The following MARCHF1 variants were observed in gnomAD, a reference collection of about 807,000 sequenced individuals.
MARCHF1 encodes the protein membrane associated ring-CH-type finger 1, also known as E3 ubiquitin-protein ligase MARCHF1.
MARCHF1 carries 40 observed loss-of-function variants against 54.2 expected under a neutral mutation model. That is an observed-to-expected ratio of 0.74 (90% CI 0.57 to 0.96). MARCHF1 has a LOEUF of 0.96. Among genes scored for constraint, MARCHF1 ranks in the 40% least tolerant of loss-of-function variants. The pLI is 0.00. For synonymous variants in MARCHF1, 236 were observed against 236.3 expected, an observed-to-expected ratio of 1.00 and a Z score of 0.01; for missense variants, 586 against 656.5, an observed-to-expected ratio of 0.89 and a Z score of 1.17.
At chr4:163,710,450 T>C (rs1745073477) in intron 4 of MARCHF1, among the ~76,000 whole-genome samples, 1 of 152,174 alleles carries the variant, frequency 6.6e-6, no homozygotes, top group South Asian at 2.1e-4. Flanking sequence ...CAAACAATTG[T>C]ATTGGCTAGG....
chr4:163,874,094 A>G (rs1228515479), intron 3 of MARCHF1, among the ~76,000 whole-genome samples: 2 of 152,272 alleles, frequency 1.3e-5, no homozygotes, highest in African/African-American at 2.4e-5. Context: ...AGGCTGAATT[A>G]TCATAGAGGT....
intron 5 of MARCHF1, among the ~76,000 whole-genome samples, chr4:163,624,476 C>T (rs550744993): frequency 1.7e-3 from 255 of 152,300 alleles, no homozygotes; most frequent in African/African-American, 5.9e-3. Context: ...TGCCTTTTCT[C>T]TCTCACTCCT....
intron 5 of MARCHF1, among the ~76,000 whole-genome samples, chr4:163,685,595 C>T (rs576936632): frequency 3.9e-5 from 6 of 152,228 alleles, no homozygotes; most frequent in Admixed American, 3.3e-4. Flanking sequence ...GCTGGGATTA[C>T]AGGCATGCGC....
In MARCHF1 at chr4:164,198,356, T is replaced by G. The variant is rs114127114; in HGVS notation, c.-322-86694A>C. Reference sequence around the variant, plus strand: ...TCTAACTAGGTTTAGATACGGCAAGTGGTAGAGGAATAAAATTTGAGTGGC... The same window carrying G: ...TCTAACTAGGTTTAGATACGGCAAGGGGTAGAGGAATAAAATTTGAGTGGC... On this transcript the variant is annotated intron_variant, in intron 1 of 9. Coordinates refer to ENST00000514618, the MANE Select transcript of MARCHF1 (RefSeq NM_001394959.1). 6.1e-3 allele frequency among the ~76,000 whole-genome samples: 925 copies of G among 152,246 alleles called. 5 individuals are homozygous for G. The highest frequency in any genetic ancestry group is 0.021 in the African/African-American group (870 of 41,550).
intron 1 of MARCHF1, among the ~76,000 whole-genome samples, chr4:164,119,117 TA>T (rs1756009405): frequency 6.6e-6 from 1 of 151,614 alleles, no homozygotes; most frequent in Admixed American, 6.6e-5. Context: ...CATTAGACCC[TA>T]AAAAACCCTT....
intron 1 of MARCHF1, among the ~76,000 whole-genome samples, chr4:164,301,072 A>G (rs576775058): frequency 6.6e-6 from 1 of 152,274 alleles, no homozygotes; most frequent in South Asian, 2.1e-4. Context: ...GACACTATAA[A>G]TTAAGATAAC....
intron 4 of MARCHF1, among the ~76,000 whole-genome samples, chr4:163,774,491 C>G (rs1579276464): frequency 7.3e-6 from 1 of 137,222 alleles, no homozygotes; most frequent in South Asian, 2.3e-4. Context: ...TTAGTGCACT[C>G]AAGTGTTAGG....
rs1327005165 is a variant in MARCHF1, at chr4:164,340,405, T to TTTTATATATATATATATATATATATA, written c.-323+43464_-323+43465insTATATATATATATATATATATATAAA. On this transcript the variant is annotated intron_variant, in intron 1 of 9. Coordinates refer to ENST00000514618, the MANE Select transcript of MARCHF1 (RefSeq NM_001394959.1). ...ACAGCACATGCCACCAGGCCTTGAT[T>TTTTATATATATATATATATATATATA]TATATATAGATATATATATATATAT... Among the ~76,000 whole-genome samples, 580 of 95,468 alleles carry TTTTATATATATATATATATATATATA rather than the reference T, an allele frequency of 6.1e-3. 74 individuals are homozygous for TTTTATATATATATATATATATATATA. Among genetic ancestry groups the TTTTATATATATATATATATATATATA allele is most frequent in the Middle Eastern group, 9.6e-3 (2 of 208 alleles). The allele number at this position is 95,468 out of a possible 152,430, so 62.6% of individuals were successfully genotyped here.
intron 3 of MARCHF1, among the ~76,000 whole-genome samples, chr4:163,938,739 T>C (rs902713921): frequency 1.3e-5 from 2 of 152,138 alleles, no homozygotes; most frequent in African/African-American, 2.4e-5. Context: ...CTCAGGAAAC[T>C]TACAATCATG....
At chr4:164,349,765 A>G (rs1730224655) in intron 1 of MARCHF1, among the ~76,000 whole-genome samples, 2 of 152,234 alleles carry the variant, frequency 1.3e-5, no homozygotes, top group Admixed American at 1.3e-4. Flanking sequence ...AGGAAGATGG[A>G]AAAATATTTC....
chr4:164,281,813 TCA>T (rs1337524436), intron 1 of MARCHF1, among the ~76,000 whole-genome samples: 1 of 152,172 alleles, frequency 6.6e-6, no homozygotes, highest in Non-Finnish European at 1.5e-5. Context: ...AGGCTGCACA[TCA>T]CACACACCTT....
At chr4:163,771,021 C>A (rs747964107) in intron 4 of MARCHF1, among the ~76,000 whole-genome samples, 1 of 152,188 alleles carries the variant, frequency 6.6e-6, no homozygotes, top group Non-Finnish European at 1.5e-5. Flanking sequence ...TTATGACTTT[C>A]ATAGCTATTT....
chr4:163,930,215 C>A (rs1367888067), intron 3 of MARCHF1, among the ~76,000 whole-genome samples: 1 of 150,942 alleles, frequency 6.6e-6, no homozygotes, highest in Non-Finnish European at 1.5e-5. Context: ...TAAGAATCAA[C>A]CCTCATTTCT....
At chr4:164,334,177 A>G (rs946069427) in intron 1 of MARCHF1, among the ~76,000 whole-genome samples, 1 of 152,202 alleles carries the variant, frequency 6.6e-6, no homozygotes, top group Non-Finnish European at 1.5e-5. Context: ...AGCTAAGGTA[A>G]TTGATGAAGG....
intron 2 of MARCHF1, among the ~76,000 whole-genome samples, chr4:164,099,125 G>T (rs1033752808): frequency 6.6e-6 from 1 of 152,156 alleles, no homozygotes; most frequent in African/African-American, 2.4e-5. Context: ...ATTGAAGTTG[G>T]TTTTCTCAGC....
intron 5 of MARCHF1, among the ~76,000 whole-genome samples, chr4:163,666,782 A>G (rs547371044): frequency 6.6e-6 from 1 of 151,888 alleles, no homozygotes; most frequent in African/African-American, 2.4e-5. Context: ...CCACAGTTAT[A>G]TGTTCCCATT....
chr4:163,701,318 T>G (rs1346849670), intron 4 of MARCHF1, among the ~76,000 whole-genome samples: 2 of 152,198 alleles, frequency 1.3e-5, no homozygotes, highest in African/African-American at 2.4e-5. Context: ...AACTGCATTT[T>G]ATTTATTTTT....
intron 1 of MARCHF1, among the ~76,000 whole-genome samples, chr4:164,130,534 C>T (rs987885580): frequency 1.3e-4 from 20 of 152,090 alleles, no homozygotes; most frequent in Non-Finnish European, 5.9e-5. Context: ...AGATGACACT[C>T]GCAATAAAAT....
At chr4:164,085,811 A>G (rs1448903272) in intron 2 of MARCHF1, among the ~76,000 whole-genome samples, 4 of 151,860 alleles carry the variant, frequency 2.6e-5, no homozygotes, top group Non-Finnish European at 5.9e-5. Context: ...GTGCATAAAA[A>G]TAATTTATAT....
Sources: allele counts gnomAD v4.1 joint callset (sites outside exome capture counted in the v4.1 genomes callset), GRCh38; gene constraint gnomAD v4.1.1; transcripts MANE v1.5; gene names NCBI Gene and HGNC (gene_info 2026-07-23, HGNC 2026-07-21).